The following AP1B1 variants were observed in gnomAD, a reference collection of about 807,000 sequenced individuals.
AP1B1 encodes adaptor related protein complex 1 subunit beta 1, also known as AP-1 complex subunit beta-1.
A neutral mutation model predicts 104.3 loss-of-function variants in AP1B1; 36 were observed. The ratio of observed to expected loss-of-function variants is 0.35; its 90% CI spans 0.26 to 0.46. The LOEUF (loss-of-function observed/expected upper bound fraction) is 0.46. Ranked by LOEUF, AP1B1 falls within the 20% of genes least tolerant of loss-of-function variation. AP1B1 has a pLI of 1.00. For missense variants in AP1B1, 901 were observed against 1,247.9 expected, an observed-to-expected ratio of 0.72 and a Z score of 4.19; for synonymous variants, 504 against 517.5, an observed-to-expected ratio of 0.97 and a Z score of 0.35.
chr22:29,330,566 C>T (rs1017744269), intron 20 of AP1B1, 34 bp from the exon 21 acceptor site: 3 of 1,610,510 alleles, frequency 1.9e-6, no homozygotes, highest in Non-Finnish European at 1.7e-6. Context: ...AGGCCCCAGT[C>T]AGCGCGGGGG....
At chr22:29,329,807 GCC>G in intron 21 of AP1B1, 87 bp from the exon 22 acceptor site, 2 of 1,590,058 alleles carry the variant, frequency 1.3e-6, no homozygotes, top group Non-Finnish European at 1.7e-6. Flanking sequence ...CCACGCCACA[GCC>G]CCCCACCGAC....
intron 2 of AP1B1, among the ~76,000 whole-genome samples, chr22:29,363,525 G>A (rs1295381850): frequency 1.3e-5 from 2 of 152,128 alleles, no homozygotes; most frequent in African/African-American, 4.8e-5. Flanking sequence ...GCGCGTGCCT[G>A]TAATCCCAGC....
At chr22:29,329,893 G>C in intron 21 of AP1B1, 173 bp from the exon 22 acceptor site, 1 of 1,456,040 alleles carries the variant, frequency 6.9e-7, no homozygotes, top group South Asian at 1.4e-5. Context: ...GGGTGTGGGG[G>C]AGAAGCAGAG....
At chr22:29,384,895 A>T (rs11702906) in intron 1 of AP1B1, among the ~76,000 whole-genome samples, 25,021 of 152,082 alleles carry the variant, frequency 0.16, 2,311 homozygotes, top group Non-Finnish European at 0.21. Context: ...ATTTACTTAG[A>T]AGAGAGCCAA....
intron 1 of AP1B1, among the ~76,000 whole-genome samples, chr22:29,368,192 G>T (rs2062174242): frequency 6.6e-6 from 1 of 152,126 alleles, no homozygotes; most frequent in Admixed American, 6.5e-5. Flanking sequence ...CAGTTACTTG[G>T]GAGGGTGAGG....
intron 6 of AP1B1, among the ~76,000 whole-genome samples, chr22:29,355,501 A>T (rs1258217965): frequency 3.3e-5 from 5 of 152,084 alleles, no homozygotes; most frequent in African/African-American, 1.2e-4. Flanking sequence ...TAGGAGAAAG[A>T]TCTAAATCTT....
In AP1B1 at chr22:29,328,837, G is replaced by A. The variant is rs2061514269; in HGVS notation, c.2834C>T (p.Thr945Ile). Residue 945 changes from threonine (T) to isoleucine (I), a missense_variant, in exon 23 of 23, where the codon ACC (threonine) becomes ATC (isoleucine). Physicochemically the swap from Thr to Ile is moderately conservative, Grantham distance 89. Around this residue, in one of 3 missense-constraint regions of AP1B1, gnomAD observed 424 missense variants for 494.0 expected, o/e 0.86. Transcript: ENST00000357586. The surrounding 1 kb of genome is among the most constrained non-coding windows in gnomAD (Gnocchi z 4.1). ...VSQHVYQAYE[T>I]ILKN ...GCCGGGGTCTCAGTTCTTGAGGATG[G>A]TCTCGTAGGCCTGGTACACGTGCTG... 1.2e-6 allele frequency: 2 copies of A among 1,607,902 alleles called. No individual in the cohort carries two copies. The highest frequency in any genetic ancestry group is 2.7e-5 in the African/African-American group (2 of 74,962).
At chr22:29,336,448 T>A (rs1167690635) in intron 16 of AP1B1, among the ~76,000 whole-genome samples, 4 of 152,182 alleles carry the variant, frequency 2.6e-5, no homozygotes, top group Non-Finnish European at 5.9e-5. Context: ...CTTTCCAGCA[T>A]GCTCTGTTGG....
At chr22:29,340,528 G>T in intron 14 of AP1B1, 128 bp downstream of exon 14, 1 of 1,024,086 alleles carries the variant, frequency 9.8e-7, no homozygotes, top group Non-Finnish European at 1.4e-6. Flanking sequence ...TCACCTCCAA[G>T]GGTAAATGGT....
At chr22:29,347,509 T>G (rs1485474616) in intron 11 of AP1B1, among the ~76,000 whole-genome samples, 2 of 152,196 alleles carry the variant, frequency 1.3e-5, no homozygotes, top group Non-Finnish European at 2.9e-5. Flanking sequence ...CTGGGATCTC[T>G]CATTCTAAGT....
At chr22:29,364,522 A>C (rs2062100586) in intron 2 of AP1B1, among the ~76,000 whole-genome samples, 1 of 151,970 alleles carries the variant, frequency 6.6e-6, no homozygotes, top group South Asian at 2.1e-4. Context: ...GGGTTCCAGC[A>C]ATTCTCCTGC....
At chr22:29,370,712 G>A (rs1394304681) in intron 1 of AP1B1, 2 of 151,934 alleles carry the variant, frequency 1.3e-5, no homozygotes, top group South Asian at 2.1e-4. Flanking sequence ...TTCTTTCTGG[G>A]GATTTAAAAA....
Position 29,331,880 on chromosome 22 carries a change from G to A in AP1B1, c.2346C>T (p.His782=), listed in dbSNP as rs200164791. The A allele has an allele frequency of 1.5e-5, 24 of 1,612,832 alleles. No homozygotes were observed. In the Middle Eastern group the frequency reaches 5.0e-4, roughly 33 times the overall value. ...GLAPAAPLQV[H]APLSPNQTVE... is the part of the protein sequence containing the mutation. ...CTGTCTGGTTGGGGCTGAGTGGCGC[G>A]TGGACCTGGAGGGGGGCGGCGGGGG... Residue 782 remains histidine, a synonymous_variant, in exon 18 of 23, where the codon CAC becomes CAT. Coordinates refer to ENST00000357586, the MANE Select transcript of AP1B1 (RefSeq NM_001127.4).
intron 8 of AP1B1, 171 bp from the exon 9 acceptor site, chr22:29,351,437 C>T: frequency 1.1e-6 from 1 of 878,566 alleles, no homozygotes; most frequent in Non-Finnish European, 1.8e-6. Context: ...GGAAAGAAGG[C>T]CTGGACAACC....
At chr22:29,338,516 A>G (rs1304443234) in intron 16 of AP1B1, among the ~76,000 whole-genome samples, 1 of 152,206 alleles carries the variant, frequency 6.6e-6, no homozygotes, top group Non-Finnish European at 1.5e-5. Flanking sequence ...TGTCTCCTCC[A>G]TGCAGTGAAA....
chr22:29,356,671 G>A, intron 5 of AP1B1, 55 bp from the exon 6 acceptor site: 2 of 1,522,356 alleles, frequency 1.3e-6, no homozygotes, highest in Admixed American at 1.7e-5. Flanking sequence ...CAGGCCAGGG[G>A]GCAGTGCATT....
chr22:29,383,690 CAA>C (rs35180572), intron 1 of AP1B1, among the ~76,000 whole-genome samples: 1,601 of 89,802 alleles, frequency 0.018, 22 homozygotes, highest in African/African-American at 0.06. Context: ...GACTCCGTCT[CAA>C]AAAAAAAAAA....
chr22:29,330,332 C>A (rs113905853), intron 21 of AP1B1, 46 bp downstream of exon 21: 4 of 1,607,796 alleles, frequency 2.5e-6, no homozygotes, highest in East Asian at 4.5e-5. Flanking sequence ...TGGCATGGGA[C>A]GAAGGGGAGG....
intron 6 of AP1B1, 120 bp downstream of exon 6, chr22:29,356,306 G>A (rs2061956814): frequency 9.6e-7 from 1 of 1,045,220 alleles, no homozygotes; most frequent in African/African-American, 1.6e-5. Context: ...GTCTGAGGGT[G>A]GGTTATGGGG....
Sources: gnomAD v4.1 joint callset for allele counts (sites outside exome capture counted in the v4.1 genomes callset) on GRCh38, gnomAD v4.1.1 for gene constraint, gnomAD v4.1.1 regional missense constraint, Gnocchi (gnomAD v3.1) non-coding constraint, MANE v1.5 for transcripts, NCBI Gene and HGNC (gene_info 2026-07-23, HGNC 2026-07-21) for gene names.